Variants in EPHA6 observed in about 807,000 individuals in gnomAD.
EPHA6 encodes the protein ephrin type-A receptor 6.
In EPHA6, 50 loss-of-function variants were observed where a neutral mutation model predicts 112.0. The observed-to-expected ratio is 0.45, with a 90% CI of 0.36 to 0.56. EPHA6 has a LOEUF of 0.56. EPHA6 is among the 20% of genes least tolerant of loss of function. The pLI, the probability that EPHA6 is intolerant of heterozygous loss-of-function variation, is 0.00. For synonymous variants in EPHA6, 529 were observed against 490.7 expected, an observed-to-expected ratio of 1.08 and a Z score of -1.03; for missense variants, 1,280 against 1,417.4, an observed-to-expected ratio of 0.90 and a Z score of 1.56.
At chr3:97,631,807 T>G (rs1226344787) in intron 13 of EPHA6, among the ~76,000 whole-genome samples, 1 of 152,004 alleles carries the variant, frequency 6.6e-6, no homozygotes, top group East Asian at 1.9e-4. Flanking sequence ...ATATTTAACC[T>G]TTTAAGGACA....
intron 5 of EPHA6, among the ~76,000 whole-genome samples, chr3:97,277,483 C>T (rs57082657): frequency 0.019 from 2,876 of 152,126 alleles, 80 homozygotes; most frequent in African/African-American, 0.063. Context: ...GGCAGGAACC[C>T]GCCATCTGGA....
chr3:97,111,113 C>G (rs2047710759), intron 3 of EPHA6, among the ~76,000 whole-genome samples: 1 of 152,092 alleles, frequency 6.6e-6, no homozygotes, highest in South Asian at 2.1e-4. Context: ...CTCTCCCAAA[C>G]TCAGCCAGGG....
intron 5 of EPHA6, among the ~76,000 whole-genome samples, chr3:97,393,339 G>A (rs2086524253): frequency 6.6e-6 from 1 of 151,718 alleles, no homozygotes; most frequent in Non-Finnish European, 1.5e-5. Context: ...AATGCCTCTG[G>A]AACTAAATAA....
chr3:97,271,795 C>G (rs2079891463), intron 5 of EPHA6, among the ~76,000 whole-genome samples: 1 of 151,782 alleles, frequency 6.6e-6, no homozygotes. Context: ...CAAAAATGGC[C>G]ACTTCCTTTT....
At chr3:96,837,579 T>A (rs2034491508) in intron 1 of EPHA6, among the ~76,000 whole-genome samples, 2 of 152,054 alleles carry the variant, frequency 1.3e-5, no homozygotes, top group South Asian at 4.1e-4. Flanking sequence ...AATGAGGCAG[T>A]CCTAAACTGT....
chr3:97,598,077 C>T (rs1306365935), intron 12 of EPHA6, among the ~76,000 whole-genome samples: 1 of 152,108 alleles, frequency 6.6e-6, no homozygotes, highest in South Asian at 2.1e-4. Flanking sequence ...CAAAGTAGAT[C>T]ATTTTATTTC....
chr3:97,222,637 T>G (rs547592322), intron 3 of EPHA6, among the ~76,000 whole-genome samples: 1 of 152,182 alleles, frequency 6.6e-6, no homozygotes, highest in Non-Finnish European at 1.5e-5. Flanking sequence ...TATAACACAT[T>G]AAGCAGAAAA....
In EPHA6 at chr3:97,605,842, A is replaced by G. The variant is rs191432669; in HGVS notation, c.2513-4951A>G. On this transcript the variant is annotated intron_variant, in intron 12 of 17. Transcript: ENST00000389672. ...GTACCTTGCTTTGGGCAGTATGGCC[A>G]TTTAAATGATATCAGTCCTTCCAAT... 8.8e-4 allele frequency among the ~76,000 whole-genome samples: 133 copies of G among 151,750 alleles called. 1 individual carries two copies. The highest frequency in any genetic ancestry group is 3.0e-3 in the African/African-American group (123 of 41,516).
chr3:96,947,032 T>G (rs1411435655), intron 2 of EPHA6, among the ~76,000 whole-genome samples: 2 of 150,374 alleles, frequency 1.3e-5, no homozygotes, highest in African/African-American at 4.9e-5. Flanking sequence ...GTTTGTTTGT[T>G]TTTTTTTTTG....
chr3:97,424,760 C>A (rs1433262904), intron 6 of EPHA6, among the ~76,000 whole-genome samples: 1 of 148,556 alleles, frequency 6.7e-6, no homozygotes, highest in Non-Finnish European at 1.5e-5. Context: ...GAGCCGAGAC[C>A]ACGCCATTGC....
intron 11 of EPHA6, chr3:97,569,918 G>A (rs1366645649): frequency 6.6e-6 from 1 of 152,116 alleles, no homozygotes; most frequent in Non-Finnish European, 1.5e-5. Flanking sequence ...TTCTCTCTGT[G>A]TATAGGATGA....
At chr3:97,490,666 A>T (rs1317792745) in intron 10 of EPHA6, among the ~76,000 whole-genome samples, 1 of 152,216 alleles carries the variant, frequency 6.6e-6, no homozygotes. Flanking sequence ...AAAGACCCAC[A>T]TATCGACAGC....
At chr3:97,111,236 T>A (rs1269588392) in intron 3 of EPHA6, among the ~76,000 whole-genome samples, 1 of 152,142 alleles carries the variant, frequency 6.6e-6, no homozygotes, top group Admixed American at 6.6e-5. Context: ...TTATAAAAAA[T>A]TTGGCTTTTA....
intron 6 of EPHA6, among the ~76,000 whole-genome samples, chr3:97,420,552 A>T (rs903607587): frequency 2.0e-5 from 3 of 152,130 alleles, no homozygotes; most frequent in South Asian, 2.1e-4. Context: ...GAATCAGTGG[A>T]TAAAAACTGT....
At chr3:97,681,719 G>A (rs2031874953) in intron 14 of EPHA6, among the ~76,000 whole-genome samples, 1 of 152,084 alleles carries the variant, frequency 6.6e-6, no homozygotes, top group Non-Finnish European at 1.5e-5. Context: ...GTGGTGCATT[G>A]ATCCTTTTTT....
intron 2 of EPHA6, among the ~76,000 whole-genome samples, chr3:96,970,892 A>G (rs1045504830): frequency 6.6e-6 from 1 of 152,106 alleles, no homozygotes; most frequent in Non-Finnish European, 1.5e-5. Flanking sequence ...TTCATTCTCT[A>G]TAACTTACAA....
intron 11 of EPHA6, among the ~76,000 whole-genome samples, chr3:97,559,003 C>T (rs1187801471): frequency 6.6e-6 from 1 of 151,754 alleles, no homozygotes; most frequent in Non-Finnish European, 1.5e-5. Flanking sequence ...CAGTTAAGAA[C>T]AAAATATGTG....
At chr3:97,542,850 G>C (rs1190481752) in intron 11 of EPHA6, among the ~76,000 whole-genome samples, 5 of 152,204 alleles carry the variant, frequency 3.3e-5, no homozygotes. Flanking sequence ...GGCCAGTGAT[G>C]ATGAGCATTT....
intron 3 of EPHA6, among the ~76,000 whole-genome samples, chr3:97,168,188 A>T (rs778014449): frequency 6.6e-6 from 1 of 152,078 alleles, no homozygotes; most frequent in Non-Finnish European, 1.5e-5. Context: ...AAAATAATTA[A>T]TTTTTTTACT....
Sources: gnomAD v4.1 joint callset for allele counts (sites outside exome capture counted in the v4.1 genomes callset) on GRCh38, gnomAD v4.1.1 for gene constraint, MANE v1.5 for transcripts, NCBI Gene and HGNC (gene_info 2026-07-23, HGNC 2026-07-21) for gene names.